NALF1: variants seen among roughly 807,000 people sequenced by gnomAD.
NALF1 encodes the protein NALCN channel auxiliary factor 1, also known as family with sequence similarity 155 member A.
A neutral mutation model predicts 48.4 loss-of-function variants in NALF1; 3 were observed. The ratio of observed to expected loss-of-function variants is 0.06; its 90% CI spans 0.03 to 0.16. The LOEUF (loss-of-function observed/expected upper bound fraction) is 0.16, where lower values mean the gene tolerates loss of function less well. Ranked by LOEUF, NALF1 falls within the 10% of genes least tolerant of loss-of-function variation. The pLI is 1.00. For synonymous variants in NALF1, 262 were observed against 245.7 expected (o/e 1.07, Z -0.62); for missense variants, 526 against 571.5 (o/e 0.92, Z 0.81).
intron 1 of NALF1, among the ~76,000 whole-genome samples, chr13:107,494,416 C>T (rs1218342274): frequency 6.6e-6 from 1 of 151,974 alleles, no homozygotes; most frequent in African/African-American, 2.4e-5. Context: ...AGGGCAAAAC[C>T]CAAATGGACG....
intron 1 of NALF1, among the ~76,000 whole-genome samples, chr13:107,371,206 G>A (rs1293615263): frequency 6.6e-6 from 1 of 152,138 alleles, no homozygotes; most frequent in Non-Finnish European, 1.5e-5. Context: ...CAGCACTTTG[G>A]AAAGCCAAGG....
At chr13:107,516,853 A>G (rs1876070328) in intron 1 of NALF1, among the ~76,000 whole-genome samples, 1 of 152,194 alleles carries the variant, frequency 6.6e-6, no homozygotes, top group Admixed American at 6.5e-5. Context: ...TGGTTTGTCA[A>G]TTTGCAAAAG....
At chr13:107,624,977 A>G (rs1439334853) in intron 1 of NALF1, among the ~76,000 whole-genome samples, 1 of 152,192 alleles carries the variant, frequency 6.6e-6, no homozygotes, top group Non-Finnish European at 1.5e-5. Context: ...TCTTATGCAC[A>G]GTTTTATTCT....
intron 1 of NALF1, among the ~76,000 whole-genome samples, chr13:107,580,228 A>G (rs1878267279): frequency 2.0e-5 from 3 of 152,214 alleles, no homozygotes; most frequent in African/African-American, 2.4e-5. Flanking sequence ...ATTCTCACTC[A>G]TAGGTGGGAA....
chr13:107,561,236 T>C (rs1257136467), intron 1 of NALF1, among the ~76,000 whole-genome samples: 1 of 152,230 alleles, frequency 6.6e-6, no homozygotes, highest in African/African-American at 2.4e-5. Flanking sequence ...ATTTCCCCTG[T>C]TCTGATGGAG....
chr13:107,696,427 CTG>C (rs992256939), intron 1 of NALF1, among the ~76,000 whole-genome samples: 2 of 152,070 alleles, frequency 1.3e-5, no homozygotes, highest in Admixed American at 1.3e-4. Flanking sequence ...AAATGGGAAA[CTG>C]TATAAACACA....
chr13:107,471,133 A>G (rs777816891), intron 1 of NALF1, among the ~76,000 whole-genome samples: 1 of 151,820 alleles, frequency 6.6e-6, no homozygotes, highest in African/African-American at 2.4e-5. Context: ...AGAGAAATCC[A>G]TGCATCTCTA....
At chr13:107,522,361 G>A (rs1397300717) in intron 1 of NALF1, among the ~76,000 whole-genome samples, 1 of 151,880 alleles carries the variant, frequency 6.6e-6, no homozygotes, top group South Asian at 2.1e-4. Flanking sequence ...TTCTTACAGT[G>A]TTTCTCTCCA....
chr13:107,663,212 T>C (rs1387897849), intron 1 of NALF1, among the ~76,000 whole-genome samples: 1 of 152,210 alleles, frequency 6.6e-6, no homozygotes, highest in Non-Finnish European at 1.5e-5. Flanking sequence ...TCAACTGTGT[T>C]TGAAGGTGGA....
At chr13:107,659,978 G>A (rs1880685493) in intron 1 of NALF1, among the ~76,000 whole-genome samples, 1 of 151,778 alleles carries the variant, frequency 6.6e-6, no homozygotes. Flanking sequence ...TGATCCGCCT[G>A]CCTTGGCCTC....
rs1877898125 is a variant in NALF1, at chr13:107,781,878, G to GTA, written c.915+83802_915+83803dup. Among the ~76,000 whole-genome samples, 3 of 152,300 alleles carry GTA rather than the reference G, an allele frequency of 2.0e-5. No individual in the cohort carries two copies. The South Asian group carries it at 6.2e-4, about 32-fold the overall frequency. On this transcript the variant is annotated intron_variant, in intron 1 of 2. Transcript: ENST00000375915. The stretch of plus-strand genomic sequence containing the variant: ...TATCAAACCCACACTGCCTAGCTTA[G>GTA]TATAGTCTGTTGAATGAATAAATGA...
At chr13:107,500,155 A>G (rs1290258426) in intron 1 of NALF1, among the ~76,000 whole-genome samples, 2 of 152,196 alleles carry the variant, frequency 1.3e-5, no homozygotes, top group East Asian at 1.9e-4. Flanking sequence ...GGGATGCAAA[A>G]AAACACTCCA....
At chr13:107,546,666 G>A (rs186412882) in intron 1 of NALF1, among the ~76,000 whole-genome samples, 14 of 151,716 alleles carry the variant, frequency 9.2e-5, no homozygotes, top group Admixed American at 3.9e-4. Flanking sequence ...TCTCTCTCCC[G>A]GCTAGCTTTC....
At chr13:107,315,901 T>A (rs7985428) in intron 1 of NALF1, among the ~76,000 whole-genome samples, 9,884 of 149,806 alleles carry the variant, frequency 0.066, 517 homozygotes, top group African/African-American at 0.13. Context: ...ATATATATAT[T>A]TATTTATTTA....
intron 1 of NALF1, among the ~76,000 whole-genome samples, chr13:107,475,160 A>C (rs958412489): frequency 6.6e-5 from 10 of 152,180 alleles, no homozygotes; most frequent in Non-Finnish European, 1.3e-4. Flanking sequence ...TACAGGCCCC[A>C]TCATTGGAAG....
chr13:107,357,822 C>A (rs538129930), intron 1 of NALF1, among the ~76,000 whole-genome samples: 19 of 152,168 alleles, frequency 1.2e-4, no homozygotes, highest in Middle Eastern at 3.4e-3. Flanking sequence ...AAATTAGAGA[C>A]GTTAGTTTAA....
intron 1 of NALF1, among the ~76,000 whole-genome samples, chr13:107,584,078 CTTTAAA>C (rs1310331734): frequency 4.6e-5 from 7 of 152,046 alleles, no homozygotes; most frequent in African/African-American, 1.7e-4. Context: ...AGAATCTATA[CTTTAAA>C]TTTATGGAAA....
intron 1 of NALF1, among the ~76,000 whole-genome samples, chr13:107,315,327 C>T (rs527560062): frequency 6.6e-6 from 1 of 152,218 alleles, no homozygotes; most frequent in South Asian, 2.1e-4. Context: ...ATATTACCTT[C>T]TAATACTCAT....
At chr13:107,610,666 T>C (rs975628406) in intron 1 of NALF1, among the ~76,000 whole-genome samples, 2 of 152,200 alleles carry the variant, frequency 1.3e-5, no homozygotes, top group African/African-American at 4.8e-5. Flanking sequence ...AAAGTTAAGT[T>C]ATATGAAAAT....
Sources: gnomAD v4.1 joint callset for allele counts (sites outside exome capture counted in the v4.1 genomes callset) on GRCh38, gnomAD v4.1.1 for gene constraint, MANE v1.5 for transcripts, NCBI Gene and HGNC (gene_info 2026-07-23, HGNC 2026-07-21) for gene names.